SPATS1: variants seen among roughly 807,000 people sequenced by gnomAD.
SPATS1 encodes the protein spermatogenesis associated serine rich 1.
Under a neutral mutation model 33.6 loss-of-function variants are expected in SPATS1, and 23 were observed. The observed-to-expected ratio is 0.68, with a 90% CI of 0.49 to 0.97. The LOEUF (loss-of-function observed/expected upper bound fraction) is 0.97, where lower values mean the gene tolerates loss of function less well. Among genes scored for constraint, SPATS1 ranks in the 50% least tolerant of loss-of-function variants. The pLI is 0.00. For synonymous variants in SPATS1, 131 were observed against 125.6 expected (o/e 1.04, Z -0.29); for missense variants, 327 against 361.0 (o/e 0.91, Z 0.76).
chr6:44,354,542 G>C (rs1472558222), intron 3 of SPATS1, among the ~76,000 whole-genome samples: 1 of 151,630 alleles, frequency 6.6e-6, no homozygotes, highest in African/African-American at 2.4e-5. Context: ...TTTATTAAGG[G>C]TTTTACTATT....
chr6:44,369,378 C>A (rs927449221), intron 6 of SPATS1, among the ~76,000 whole-genome samples: 1 of 151,612 alleles, frequency 6.6e-6, no homozygotes, highest in Admixed American at 6.6e-5. Context: ...GGTAAAATCC[C>A]GTGTCTACTA....
rs368808979 is a variant in SPATS1 at position 44,360,587 on chromosome 6, C to T, written c.412+17C>T. The T allele has an allele frequency of 6.2e-7, 1 of 1,613,704 alleles. No homozygotes were observed. ...TGCAGACGAGTAAGTCACAGACCCT[C>T]CTCCACATGCTTCTGTGCCCCAGGT... is the stretch of plus-strand genomic sequence containing the variant. On this transcript the variant is annotated intron_variant, in intron 4 of 8. Transcript: ENST00000674044.
intron 2 of SPATS1, among the ~76,000 whole-genome samples, chr6:44,343,909 C>T (rs753206970): frequency 5.3e-5 from 8 of 152,132 alleles, no homozygotes; most frequent in Non-Finnish European, 1.2e-4. Flanking sequence ...CCAGACTTTG[C>T]GGGATCAGAT....
At chr6:44,375,121 T>C (rs1789849541) in intron 7 of SPATS1, among the ~76,000 whole-genome samples, 2 of 152,204 alleles carry the variant, frequency 1.3e-5, no homozygotes, top group Admixed American at 1.3e-4. Context: ...TCAGTGGCTC[T>C]GGGAAGACTC....
chr6:44,368,950 G>A (rs928394226), intron 6 of SPATS1, among the ~76,000 whole-genome samples: 3 of 149,606 alleles, frequency 2.0e-5, no homozygotes, highest in Non-Finnish European at 4.4e-5. Context: ...TGGCTGGAGT[G>A]CAGTGGTGCC....
intron 2 of SPATS1, among the ~76,000 whole-genome samples, chr6:44,345,984 G>A (rs1787853720): frequency 1.3e-5 from 2 of 151,914 alleles, no homozygotes; most frequent in South Asian, 2.1e-4. Context: ...TTTTAAATTC[G>A]GTTCTTCAAT....
chr6:44,350,521 A>G (rs1731999654), intron 2 of SPATS1, among the ~76,000 whole-genome samples: 2 of 152,228 alleles, frequency 1.3e-5, no homozygotes, highest in African/African-American at 2.4e-5. Flanking sequence ...GCCTTGCGCC[A>G]TGTCCTGAGA....
chr6:44,368,382 T>C lies in SPATS1; in HGVS notation c.578T>C (p.Ile193Thr). 1 of 1,613,164 alleles carries C rather than the reference T, an allele frequency of 6.2e-7. No individual in the cohort carries two copies. Among genetic ancestry groups the C allele is most frequent in the Non-Finnish European group, 8.5e-7 (1 of 1,179,640 alleles). The change falls in exon 6 of 9, where the codon ATT becomes ACT. Residue 193 changes from isoleucine (I) to threonine (T), a missense_variant. By Grantham distance (89) the Ile-to-Thr change is moderately conservative (BLOSUM62 -1). Transcript: ENST00000674044. Reference sequence around the variant, plus strand: ...TGTTTTCAAACCTTCTCCACAGATATTGATCCCAGGAATGGAATCCCAAAG... The same window carrying C: ...TGTTTTCAAACCTTCTCCACAGATACTGATCCCAGGAATGGAATCCCAAAG... Reference protein sequence around the residue: ...DKCFGRKKYDIDPRNGIPKLT... With the variant: ...DKCFGRKKYDTDPRNGIPKLT...
intron 2 of SPATS1, among the ~76,000 whole-genome samples, chr6:44,348,094 C>T (rs900885108): frequency 4.0e-5 from 6 of 151,800 alleles, no homozygotes; most frequent in Non-Finnish European, 5.9e-5. Context: ...CTGTAACCCC[C>T]GCCTCCTGGG....
At chr6:44,363,063 C>T (rs1406220493) in intron 5 of SPATS1, among the ~76,000 whole-genome samples, 3 of 152,040 alleles carry the variant, frequency 2.0e-5, no homozygotes, top group African/African-American at 7.2e-5. Flanking sequence ...TCTCGAACTC[C>T]GGACCTCAGG....
At chr6:44,352,672 G>T in intron 2 of SPATS1, 54 bp from the exon 3 acceptor site, 1 of 1,522,834 alleles carries the variant, frequency 6.6e-7, no homozygotes, top group Middle Eastern at 1.7e-4. Context: ...AAACAAAATA[G>T]GGTGGAATGT....
chr6:44,371,350 T>C (rs77033485), intron 7 of SPATS1, among the ~76,000 whole-genome samples: 1 of 151,860 alleles, frequency 6.6e-6, no homozygotes, highest in East Asian at 1.9e-4. Flanking sequence ...TCCTCTGTGC[T>C]ATGGTCAATA....
In SPATS1 at chr6:44,357,899, C is replaced by T. The variant is rs548348897; in HGVS notation, c.288-2547C>T. Among the ~76,000 whole-genome samples, 8 of 152,098 alleles carry T rather than the reference C, an allele frequency of 5.3e-5. No homozygotes were observed. The East Asian group carries it at 5.8e-4, about 11-fold the overall frequency. On this transcript the variant is annotated intron_variant, in intron 3 of 8. Coordinates refer to ENST00000674044, the MANE Select transcript of SPATS1 (RefSeq NM_001372081.1). Reference sequence around the variant, plus strand: ...CCTGAGATTTTTCACATTGGAGATACGGGTAAAAATTGGTTGGAAGACATG... The same window carrying T: ...CCTGAGATTTTTCACATTGGAGATATGGGTAAAAATTGGTTGGAAGACATG...
At chr6:44,348,815 A>G (rs1042356432) in intron 2 of SPATS1, among the ~76,000 whole-genome samples, 1 of 152,156 alleles carries the variant, frequency 6.6e-6, no homozygotes, top group African/African-American at 2.4e-5. Flanking sequence ...CCTGGCCAAT[A>G]TGTTGAAACC....
chr6:44,344,322 T>A (rs903844667), intron 2 of SPATS1, among the ~76,000 whole-genome samples: 1 of 152,026 alleles, frequency 6.6e-6, no homozygotes, highest in Non-Finnish European at 1.5e-5. Context: ...AGAATACATC[T>A]GAGTTTAGCT....
intron 4 of SPATS1, among the ~76,000 whole-genome samples, chr6:44,361,151 C>G (rs188928890): frequency 9.2e-5 from 14 of 152,314 alleles, no homozygotes; most frequent in African/African-American, 3.4e-4. Flanking sequence ...TGCCTCGAAG[C>G]CTGTGCTCTT....
rs1193607524 is a variant in SPATS1 at position 44,349,515 on chromosome 6, A to AAAATCTAT, written c.140-3206_140-3199dup. 2.6e-5 allele frequency among the ~76,000 whole-genome samples: 4 copies of AAAATCTAT among 152,282 alleles called. No homozygotes were observed. The South Asian group carries it at 8.3e-4, about 32-fold the overall frequency. On this transcript the variant is annotated intron_variant, in intron 2 of 8. Coordinates refer to ENST00000674044, the MANE Select transcript of SPATS1 (RefSeq NM_001372081.1). ...ATATGTGCATGAGTGATATGTGATT[A>AAAATCTAT]AAATCTATAAATAAATTAAAAGAAT...
In SPATS1 at chr6:44,367,033, C is replaced by T. The variant is rs1318389683; in HGVS notation, c.575-1346C>T. ...ACCACCTCTTGTCACCCAACTCTTA[C>T]TTGTCAGTGCCCTGGTTTGGTATGC... is the stretch of plus-strand genomic sequence containing the variant. On this transcript the variant is annotated intron_variant, in intron 5 of 8. Transcript: ENST00000674044. 2.0e-5 allele frequency among the ~76,000 whole-genome samples: 3 copies of T among 152,218 alleles called. No individual in the cohort carries two copies. In the East Asian group the frequency reaches 5.8e-4, roughly 29 times the overall value.
At chr6:44,373,838 G>A (rs762547852) in intron 7 of SPATS1, among the ~76,000 whole-genome samples, 3 of 152,174 alleles carry the variant, frequency 2.0e-5, no homozygotes, top group Non-Finnish European at 4.4e-5. Context: ...TTTGAGTACC[G>A]TTTATGCACT....
Sources: allele counts gnomAD v4.1 joint callset (sites outside exome capture counted in the v4.1 genomes callset), GRCh38; gene constraint gnomAD v4.1.1; transcripts MANE v1.5; gene names NCBI Gene and HGNC (gene_info 2026-07-23, HGNC 2026-07-21).